PLCB1: variants seen among roughly 807,000 people sequenced by gnomAD.
PLCB1 encodes the protein phospholipase C beta 1, also known as 1-phosphatidylinositol 4,5-bisphosphate phosphodiesterase beta-1.
PLCB1 carries 46 observed loss-of-function variants against 161.8 expected under a neutral mutation model. The observed-to-expected ratio is 0.28, with a 90% CI of 0.22 to 0.36. PLCB1 has a LOEUF of 0.36. Ranked by LOEUF, PLCB1 falls within the 10% of genes least tolerant of loss-of-function variation. The probability of loss-of-function intolerance (pLI) is 1.00; values close to 1 mark genes in which losing one functional copy is unlikely to be tolerated. For missense variants in PLCB1, 1,016 were observed against 1,472.5 expected (o/e 0.69, Z 5.07); for synonymous variants, 517 against 503.7 (o/e 1.03, Z -0.35).
At chr20:8,761,975 A>AGG (rs1555788720) in intron 25 of PLCB1, among the ~76,000 whole-genome samples, 1 of 109,522 alleles carries the variant, frequency 9.1e-6, no homozygotes, top group Non-Finnish European at 2.0e-5. Flanking sequence ...TGGGGAGGCC[A>AGG]AGGGGGGGGC....
chr20:8,169,432 T>G (rs999199809), intron 2 of PLCB1, among the ~76,000 whole-genome samples: 1 of 152,188 alleles, frequency 6.6e-6, no homozygotes, highest in Non-Finnish European at 1.5e-5. Flanking sequence ...AGATAACACA[T>G]CTGAAACACT....
chr20:8,463,718 T>G (rs1398991165), intron 3 of PLCB1, among the ~76,000 whole-genome samples: 1 of 152,208 alleles, frequency 6.6e-6, no homozygotes, highest in Non-Finnish European at 1.5e-5. Context: ...AAATTTTGGC[T>G]TGTATACGTA....
chr20:8,518,174 C>A (rs1462082708), intron 3 of PLCB1, among the ~76,000 whole-genome samples: 1 of 145,186 alleles, frequency 6.9e-6, no homozygotes, highest in Non-Finnish European at 1.5e-5. Context: ...GAGGGAGACT[C>A]TGTCTCAAAA....
At chr20:8,138,958 T>G (rs1397046444) in intron 1 of PLCB1, among the ~76,000 whole-genome samples, 1 of 145,640 alleles carries the variant, frequency 6.9e-6, no homozygotes, top group Non-Finnish European at 1.5e-5. Flanking sequence ...ACTAAATTAT[T>G]ATAAATTGAG....
intron 16 of PLCB1, among the ~76,000 whole-genome samples, chr20:8,727,074 C>T (rs1288945266): frequency 6.6e-6 from 1 of 151,934 alleles, no homozygotes; most frequent in Non-Finnish European, 1.5e-5. Context: ...ATTACAAAAG[C>T]ATAAGTAGCT....
chr20:8,502,739 C>T (rs769843114), intron 3 of PLCB1, among the ~76,000 whole-genome samples: 2 of 152,050 alleles, frequency 1.3e-5, no homozygotes, highest in African/African-American at 2.4e-5. Flanking sequence ...CAGAATTCTT[C>T]GAAAATTTGC....
chr20:8,724,717 A>T lies in PLCB1; in HGVS notation c.1643A>T (p.Gln548Leu), dbSNP rs1158119382. 1 of 1,611,270 alleles carries T rather than the reference A, an allele frequency of 6.2e-7. No individual in the cohort carries two copies. Among genetic ancestry groups the T allele is most frequent in the Non-Finnish European group, 8.5e-7 (1 of 1,177,832 alleles). The change falls in exon 16 of 32, where the codon CAG becomes CTG. Residue 548 changes from glutamine to leucine, a missense_variant. Gln to Leu is a moderately radical substitution (Grantham distance 113, BLOSUM62 -2). This residue lies in a region of PLCB1 where 109 missense variants were observed against 129.7 expected (regional missense o/e 0.84). Transcript: ENST00000338037. ...EEMSNLVNYI[Q>L]PVKFESFEIS... The stretch of plus-strand genomic sequence containing the variant: ...ATGTCTAATCTGGTGAACTATATTC[A>T]GCCAGTCAAGTTTGAGTCATTTGAA...
chr20:8,134,353 CTT>C (rs1387505663), intron 1 of PLCB1, among the ~76,000 whole-genome samples: 2 of 152,172 alleles, frequency 1.3e-5, no homozygotes, highest in African/African-American at 4.8e-5. Context: ...GAGAAAGAGA[CTT>C]TGCAGAATTT....
chr20:8,235,219 A>G (rs560978545), intron 2 of PLCB1, among the ~76,000 whole-genome samples: 1 of 152,282 alleles, frequency 6.6e-6, no homozygotes, highest in African/African-American at 2.4e-5. Context: ...GAATAAAAAT[A>G]TAATGTGCAT....
intron 31 of PLCB1, among the ~76,000 whole-genome samples, chr20:8,826,434 G>T (rs906886480): frequency 9.3e-5 from 14 of 150,792 alleles, no homozygotes; most frequent in Non-Finnish European, 1.8e-4. Context: ...GGCAGAGCTT[G>T]CAGTGAGCAG....
intron 2 of PLCB1, among the ~76,000 whole-genome samples, chr20:8,226,925 G>A (rs892124574): frequency 1.3e-5 from 2 of 152,088 alleles, no homozygotes; most frequent in African/African-American, 2.4e-5. Flanking sequence ...CTGACCTCAT[G>A]ATCCACCCTC....
intron 15 of PLCB1, among the ~76,000 whole-genome samples, chr20:8,722,780 T>G (rs2123478818): frequency 6.6e-6 from 1 of 152,304 alleles, no homozygotes; most frequent in Middle Eastern, 3.4e-3. Context: ...TTTAGAATTT[T>G]GTCTTACCAA....
At chr20:8,585,856 A>G (rs972012053) in intron 3 of PLCB1, among the ~76,000 whole-genome samples, 1 of 152,162 alleles carries the variant, frequency 6.6e-6, no homozygotes, top group Non-Finnish European at 1.5e-5. Context: ...CTCTTCTCCA[A>G]TGAAGCGCTT....
At chr20:8,613,278 A>C (rs1319616337) in intron 3 of PLCB1, among the ~76,000 whole-genome samples, 1 of 152,194 alleles carries the variant, frequency 6.6e-6, no homozygotes, top group Non-Finnish European at 1.5e-5. Context: ...GACCACAACT[A>C]TCAATTATGA....
rs1982261180 is a variant in PLCB1, at chr20:8,765,295, A to C, written c.2867A>C (p.Gln956Pro). Residue 956 changes from glutamine (Q) to proline (P), a missense_variant, in exon 26 of 32, where the codon CAG becomes CCG. Transcript: ENST00000338037. ...KEHTTKYNEI[Q>P]NDYLRRRAAL... ...CACACTACCAAGTATAATGAAATTC[A>C]GAATGACTACTTGAGAAGGAGAGCC... The C allele has an allele frequency of 3.1e-6, 5 of 1,614,094 alleles. No homozygotes were observed. The highest frequency in any genetic ancestry group is 4.2e-6 in the Non-Finnish European group (5 of 1,180,022).
chr20:8,606,397 C>G (rs569682306), intron 3 of PLCB1, among the ~76,000 whole-genome samples: 128 of 152,106 alleles, frequency 8.4e-4, no homozygotes, highest in African/African-American at 2.7e-3. Flanking sequence ...ATTTCCTCCT[C>G]TAAAAGAAGA....
chr20:8,318,428 T>C (rs1600310360), intron 2 of PLCB1, among the ~76,000 whole-genome samples: 1 of 151,600 alleles, frequency 6.6e-6, no homozygotes, highest in African/African-American at 2.4e-5. Flanking sequence ...GAACCTTTCA[T>C]TTCATAGAAA....
intron 9 of PLCB1, among the ~76,000 whole-genome samples, chr20:8,667,560 T>C (rs1471394994): frequency 2.6e-5 from 4 of 152,254 alleles, no homozygotes; most frequent in Admixed American, 2.6e-4. Context: ...CTAGGAATTC[T>C]GTTTCTTTTC....
chr20:8,492,846 ATATG>A (rs938007256), intron 3 of PLCB1, among the ~76,000 whole-genome samples: 23 of 95,228 alleles, frequency 2.4e-4, no homozygotes, highest in South Asian at 6.0e-4. Flanking sequence ...TTATATATAT[ATATG>A]TGTGTGTGTG....
Sources: gnomAD v4.1 joint callset for allele counts (sites outside exome capture counted in the v4.1 genomes callset) on GRCh38, gnomAD v4.1.1 for gene constraint, gnomAD v4.1.1 regional missense constraint, MANE v1.5 for transcripts, NCBI Gene and HGNC (gene_info 2026-07-23, HGNC 2026-07-21) for gene names.